COLEC10: variants seen among roughly 807,000 people sequenced by gnomAD.
The protein encoded by COLEC10 is collectin subfamily member 10, also known as collectin-10.
In COLEC10, 22 loss-of-function variants were observed where a neutral mutation model predicts 28.4. That is an observed-to-expected ratio of 0.78 (90% confidence interval 0.55 to 1.11). The LOEUF (loss-of-function observed/expected upper bound fraction) is 1.11, where lower values mean the gene tolerates loss of function less well. Ranked by LOEUF, COLEC10 falls within the 50% of genes least tolerant of loss-of-function variation. COLEC10 has a pLI of 0.00. For missense variants in COLEC10, 361 were observed against 344.1 expected (o/e 1.05, Z -0.39); for synonymous variants, 125 against 116.1 (o/e 1.08, Z -0.49).
intron 2 of COLEC10, among the ~76,000 whole-genome samples, chr8:119,054,570 A>G (rs541045374): frequency 7.9e-5 from 12 of 152,244 alleles, no homozygotes; most frequent in Admixed American, 5.2e-4. Flanking sequence ...GCTCGGCGGT[A>G]CAATACTAAA....
Position 119,067,355 on chromosome 8 carries a change from G to T in COLEC10, c.74G>T (p.Ser25Ile). The change falls in exon 1 of 6, where the codon AGT becomes ATT. Residue 25 changes from serine (S) to isoleucine (I), a missense_variant. By Grantham distance (142) the Ser-to-Ile change is moderately radical (BLOSUM62 -2). Transcript: ENST00000332843. ...GTACTATTTCTTTTGCAAATTCAGA[G>T]TCTGGGTCTGGATATTGATAGCCGT... The part of the protein sequence containing the change: ...LLVLFLLQIQ[S>I]LGLDIDSRPT... 1 of 1,614,056 alleles carries T rather than the reference G, an allele frequency of 6.2e-7. No homozygotes were observed. The highest frequency in any genetic ancestry group is 2.2e-5 in the East Asian group (1 of 44,870).
In COLEC10 at chr8:118,997,968, AC is replaced by A. The variant is rs554701335; in HGVS notation, n.122+2396del. On this transcript the variant is annotated intron_variant and non_coding_transcript_variant, in intron 1 of 6. Transcript: ENST00000521788. ...ATATGATAAAATAAATTCATCTTGT[AC>A]TCCATTAAGGTGGCAGCATTGAAAA... 1.8e-3 allele frequency among the ~76,000 whole-genome samples: 275 copies of A among 152,298 alleles called. 2 individuals carry two copies. The highest frequency in any genetic ancestry group is 6.4e-3 in the African/African-American group (266 of 41,566).
intron 2 of COLEC10, among the ~76,000 whole-genome samples, chr8:119,010,562 T>C (rs1813886346): frequency 6.6e-6 from 1 of 151,022 alleles, no homozygotes; most frequent in Non-Finnish European, 1.5e-5. Context: ...AGTATGTTTA[T>C]ATTTGTATGA....
At chr8:118,976,788 A>C in the COLEC10 span, among the ~76,000 whole-genome samples, 1 of 152,188 alleles carries the variant, frequency 6.6e-6, no homozygotes, top group Non-Finnish European at 1.5e-5. Context: ...ACAGCAAAAG[A>C]AACTACCATC....
At chr8:119,064,502 AT>A (rs557804316), upstream of COLEC10, among the ~76,000 whole-genome samples, 423 of 152,362 alleles carry the variant, frequency 2.8e-3, 1 homozygote, top group Non-Finnish European at 4.4e-3. Context: ...GAATCATAGA[AT>A]TTAGAAACAA....
chr8:119,091,975 A>G (rs1409983204), intron 3 of COLEC10, among the ~76,000 whole-genome samples: 1 of 152,106 alleles, frequency 6.6e-6, no homozygotes, highest in Non-Finnish European at 1.5e-5. Context: ...ATCTGAGTGG[A>G]TTAACCAAAA....
chr8:119,003,389 A>G (rs1032347234), intron 1 of COLEC10, among the ~76,000 whole-genome samples: 10 of 152,080 alleles, frequency 6.6e-5, no homozygotes, highest in African/African-American at 1.7e-4. Flanking sequence ...TTGGCCCCCA[A>G]ATGGCATGAT....
At chr8:118,984,356 G>T in the COLEC10 span, among the ~76,000 whole-genome samples, 1 of 152,048 alleles carries the variant, frequency 6.6e-6, no homozygotes, top group Non-Finnish European at 1.5e-5. Flanking sequence ...GGAGAAGGGA[G>T]AGGATCATAA....
At chr8:119,080,348 C>T (rs1416505695) in intron 1 of COLEC10, among the ~76,000 whole-genome samples, 2 of 152,308 alleles carry the variant, frequency 1.3e-5, no homozygotes, top group Non-Finnish European at 2.9e-5. Context: ...TTTTGGACAA[C>T]AGTCAAGAGC....
rs374307230 is a variant in COLEC10, at chr8:119,054,182, G to C, written n.236-35498G>C. Among the ~76,000 whole-genome samples the C allele has an allele frequency of 3.3e-5, 5 of 152,182 alleles. No homozygotes were observed. The East Asian group carries it at 7.7e-4, about 24-fold the overall frequency. ...GGATTCATGTCCCAGGCAGAATAGA[G>C]TAGGATGATATGAGATTTCATCATG... On this transcript the variant is annotated intron_variant and non_coding_transcript_variant, in intron 2 of 6. Transcript: ENST00000521788.
chr8:118,963,967 CAAAT>C, the COLEC10 span, among the ~76,000 whole-genome samples: 2 of 152,054 alleles, frequency 1.3e-5, no homozygotes, highest in African/African-American at 2.4e-5. Context: ...AACAGAAAGA[CAAAT>C]GAATGCATAC....
chr8:118,973,626 C>T, the COLEC10 span, among the ~76,000 whole-genome samples: 2 of 152,026 alleles, frequency 1.3e-5, no homozygotes, highest in Non-Finnish European at 2.9e-5. Flanking sequence ...CATCCCATTA[C>T]ATTTACCACA....
rs766872368 is a variant in COLEC10, at chr8:119,007,454, G to A, written n.123-1987G>A. On this transcript the variant is annotated intron_variant and non_coding_transcript_variant, in intron 1 of 6. Transcript: ENST00000521788. ...TTCTGTAAGGTTCTAGGAGGAAAAC[G>A]TTTAGAAATTATTGGGATTTACCCA... Among the ~76,000 whole-genome samples, 32 of 151,498 alleles carry A rather than the reference G, an allele frequency of 2.1e-4. 1 individual carries two copies. The highest frequency in any genetic ancestry group is 2.8e-4 in the Non-Finnish European group (19 of 67,982).
At chr8:118,988,032 G>A in the COLEC10 span, among the ~76,000 whole-genome samples, 10,826 of 152,208 alleles carry the variant, frequency 0.071, 427 homozygotes, top group Non-Finnish European at 0.091. Flanking sequence ...AAAATCTGGA[G>A]AGACAGGTGC....
chr8:118,997,451 T>C (rs1813608616), intron 1 of COLEC10, among the ~76,000 whole-genome samples: 1 of 152,234 alleles, frequency 6.6e-6, no homozygotes, highest in African/African-American at 2.4e-5. Context: ...ATCTTACTTT[T>C]ACATCTTTAA....
intron 2 of COLEC10, among the ~76,000 whole-genome samples, chr8:119,049,411 T>C (rs993836449): frequency 2.9e-5 from 3 of 102,706 alleles, no homozygotes; most frequent in Non-Finnish European, 6.4e-5. Flanking sequence ...CTTTTTTTTT[T>C]TTTTTTTTTT....
At chr8:118,972,631 T>C in the COLEC10 span, among the ~76,000 whole-genome samples, 7,728 of 152,094 alleles carry the variant, frequency 0.051, 270 homozygotes, top group African/African-American at 0.097. Context: ...TTGCTCTGGC[T>C]AAGAAGCTCA....
rs1815936012 is a variant in COLEC10 at position 119,106,083 on chromosome 8, C to T, written c.726C>T (p.Pro242=). 6.2e-7 allele frequency: 1 copy of T among 1,613,794 alleles called. No individual in the cohort carries two copies. The highest frequency in any genetic ancestry group is 1.7e-5 in the Admixed American group (1 of 59,944). Residue 242 remains proline, a synonymous_variant, in exon 6 of 6, where the codon CCC becomes CCT. Transcript: ENST00000332843. The part of the protein sequence containing the change: ...SNWNEGEPSD[P]YGHEDCVEML... Reference sequence around the variant, plus strand: ...GGAATGAGGGGGAACCCAGCGACCCCTATGGTCATGAGGACTGTGTGGAGA... The same window carrying T: ...GGAATGAGGGGGAACCCAGCGACCCTTATGGTCATGAGGACTGTGTGGAGA...
At chr8:119,079,617 C>T (rs1051253762) in intron 1 of COLEC10, among the ~76,000 whole-genome samples, 1 of 149,640 alleles carries the variant, frequency 6.7e-6, no homozygotes, top group African/African-American at 2.5e-5. Flanking sequence ...CTCCCACCCC[C>T]ACCCACTTAC....
Sources: allele counts gnomAD v4.1 joint callset (sites outside exome capture counted in the v4.1 genomes callset), GRCh38; gene constraint gnomAD v4.1.1; transcripts MANE v1.5; gene names NCBI Gene and HGNC (gene_info 2026-07-23, HGNC 2026-07-21).